SHC4: variants seen among roughly 807,000 people sequenced by gnomAD.
SHC4 encodes SHC-transforming protein 4.
SHC4 carries 41 observed loss-of-function variants against 69.4 expected under a neutral mutation model. The ratio of observed to expected loss-of-function variants is 0.59; its 90% CI spans 0.46 to 0.77. The LOEUF (loss-of-function observed/expected upper bound fraction) is 0.77, where lower values mean the gene tolerates loss of function less well. Ranked by LOEUF, SHC4 falls within the 30% of genes least tolerant of loss-of-function variation. SHC4 has a pLI of 0.00. For synonymous variants in SHC4, 318 were observed against 299.3 expected, an observed-to-expected ratio of 1.06 and a Z score of -0.64; for missense variants, 777 against 783.8, an observed-to-expected ratio of 0.99 and a Z score of 0.10.
intron 11 of SHC4, among the ~76,000 whole-genome samples, chr15:48,827,007 C>T (rs1422896497): frequency 2.0e-5 from 3 of 152,154 alleles, no homozygotes; most frequent in Admixed American, 1.3e-4. Context: ...TATGGAATTC[C>T]CTTCCTAGTA....
At chr15:48,846,280 T>C (rs1899091470) in intron 9 of SHC4, among the ~76,000 whole-genome samples, 1 of 152,162 alleles carries the variant, frequency 6.6e-6, no homozygotes, top group Non-Finnish European at 1.5e-5. Context: ...TTCATATCTG[T>C]AAAATGTGGG....
At chr15:48,920,903 C>T (rs927686953) in intron 2 of SHC4, among the ~76,000 whole-genome samples, 2 of 123,236 alleles carry the variant, frequency 1.6e-5, no homozygotes, top group African/African-American at 3.1e-5. Flanking sequence ...GCCAACATAT[C>T]GAGACTCTTG....
chr15:48,903,747 GTGTT>G lies in SHC4; in HGVS notation c.657-12940_657-12937del, dbSNP rs746093202. On this transcript the variant is annotated intron_variant, in intron 2 of 11. Transcript: ENST00000332408. Reference sequence around the variant, plus strand: ...CTCTGGGGCTGGGGTCCAATATTACGTGTTTGTTTGTTTGTTTGTTTCAGAGACA... The same window carrying G: ...CTCTGGGGCTGGGGTCCAATATTACGTGTTTGTTTGTTTGTTTCAGAGACA... Among the ~76,000 whole-genome samples the G allele has an allele frequency of 3.9e-5, 6 of 152,168 alleles. No individual in the cohort carries two copies. The South Asian group carries it at 6.2e-4, about 16-fold the overall frequency.
intron 9 of SHC4, among the ~76,000 whole-genome samples, chr15:48,846,987 T>C (rs1466091862): frequency 2.0e-5 from 3 of 146,628 alleles, no homozygotes; most frequent in African/African-American, 7.5e-5. Context: ...AATAGAGTAC[T>C]GAAAAAAAAA....
intron 4 of SHC4, among the ~76,000 whole-genome samples, chr15:48,875,388 C>T (rs1899778939): frequency 1.3e-5 from 2 of 152,226 alleles, no homozygotes; most frequent in Admixed American, 6.5e-5. Context: ...AACCACATTG[C>T]TAAAGCTAAG....
At chr15:48,937,225 C>T (rs1315127613) in intron 1 of SHC4, among the ~76,000 whole-genome samples, 1 of 152,038 alleles carries the variant, frequency 6.6e-6, no homozygotes, top group Non-Finnish European at 1.5e-5. Flanking sequence ...AGGTGATCTC[C>T]TTTTTTATTT....
chr15:48,916,717 T>G (rs1042551209), intron 2 of SHC4, among the ~76,000 whole-genome samples: 3 of 152,098 alleles, frequency 2.0e-5, no homozygotes, highest in Non-Finnish European at 4.4e-5. Flanking sequence ...CAGTTCCCCA[T>G]TTTCCTTCAT....
intron 2 of SHC4, among the ~76,000 whole-genome samples, chr15:48,922,060 C>T (rs1009804232): frequency 1.3e-5 from 2 of 152,138 alleles, no homozygotes; most frequent in Non-Finnish European, 2.9e-5. Flanking sequence ...TATTTTATAA[C>T]TAGAAAATAA....
chr15:48,886,240 G>C (rs1048343136), intron 3 of SHC4, among the ~76,000 whole-genome samples: 6 of 152,010 alleles, frequency 3.9e-5, no homozygotes, highest in Admixed American at 2.0e-4. Flanking sequence ...CTGGGCGACA[G>C]AGCAAGACTG....
chr15:48,865,150 A>C (rs1172946287), intron 6 of SHC4, among the ~76,000 whole-genome samples: 1 of 152,094 alleles, frequency 6.6e-6, no homozygotes, highest in Non-Finnish European at 1.5e-5. Flanking sequence ...TTGCTAAATG[A>C]TAATACCATG....
At chr15:48,850,600 C>T (rs572632028) in intron 9 of SHC4, among the ~76,000 whole-genome samples, 4 of 152,180 alleles carry the variant, frequency 2.6e-5, no homozygotes, top group Admixed American at 6.5e-5. Context: ...AAATGACTAA[C>T]TCACAATATA....
chr15:48,889,842 TCAAAAACAAAAAACAAAA>T (rs1267960131), intron 3 of SHC4, among the ~76,000 whole-genome samples: 10 of 152,158 alleles, frequency 6.6e-5, no homozygotes, highest in Non-Finnish European at 1.3e-4. Context: ...AGACTCCGTC[TCAAAAACAAAAAACAAAA>T]CAAAAACAAA....
Position 48,878,912 on chromosome 15 carries a change from G to A in SHC4, c.840+5336C>T. 5.7e-6 allele frequency: 3 copies of A among 524,394 alleles called. No individual in the cohort carries two copies. The South Asian group carries it at 1.2e-4, about 21-fold the overall frequency. 32.5% of individuals were successfully genotyped at this position (524,394 alleles called of 1,614,324 possible). The stretch of plus-strand genomic sequence containing the variant: ...TGACTGCACAGTTGTGAAAAAGGAA[G>A]AGAATCATTAAAGAAAAAGAAAAAA... On this transcript the variant is annotated intron_variant, in intron 4 of 11. Transcript: ENST00000332408.
chr15:48,961,847 A>C (rs900493896), intron 1 of SHC4, among the ~76,000 whole-genome samples: 1 of 152,232 alleles, frequency 6.6e-6, no homozygotes, highest in African/African-American at 2.4e-5. Context: ...TACTTGCTGC[A>C]GCGTAGGCAG....
intron 1 of SHC4, among the ~76,000 whole-genome samples, chr15:48,927,171 C>T (rs576211092): frequency 4.0e-4 from 61 of 152,216 alleles, no homozygotes; most frequent in Admixed American, 1.4e-3. Flanking sequence ...CCAAGCTCCA[C>T]GTCCAGGTGG....
intron 4 of SHC4, among the ~76,000 whole-genome samples, chr15:48,882,667 G>C (rs1238021364): frequency 6.6e-6 from 1 of 152,128 alleles, no homozygotes; most frequent in Non-Finnish European, 1.5e-5. Context: ...CCAAAAGGCT[G>C]TCATTATGAT....
In SHC4 at chr15:48,938,962, A is replaced by G. The variant is rs1288744855; in HGVS notation, c.586-14013T>C. ...AAATAACTTTAATTCTCAAAGCCTC[A>G]GTTTCCTCATCCATAAAACAAGAAC... is the stretch of plus-strand genomic sequence containing the variant. On this transcript the variant is annotated intron_variant, in intron 1 of 11. Transcript: ENST00000332408. 3.3e-5 allele frequency among the ~76,000 whole-genome samples: 5 copies of G among 152,354 alleles called. No individual in the cohort carries two copies. In the East Asian group the frequency reaches 5.8e-4, roughly 18 times the overall value.
intron 11 of SHC4, 127 bp from the exon 12 acceptor site, chr15:48,826,253 CTT>C (rs34570376): frequency 0.036 from 22,391 of 625,252 alleles, no homozygotes; most frequent in South Asian, 0.051. Flanking sequence ...AGAAAAGGTA[CTT>C]TTTTTTTTTT....
chr15:48,864,266 T>A (rs999741572), intron 6 of SHC4, among the ~76,000 whole-genome samples: 3 of 152,044 alleles, frequency 2.0e-5, no homozygotes, highest in African/African-American at 7.2e-5. Flanking sequence ...AATCTAAATA[T>A]CTAAATAGTC....
Sources: allele counts gnomAD v4.1 joint callset (sites outside exome capture counted in the v4.1 genomes callset), GRCh38; gene constraint gnomAD v4.1.1; transcripts MANE v1.5; gene names NCBI Gene and HGNC (gene_info 2026-07-23, HGNC 2026-07-21).